Variants in NCOA7 observed in about 807,000 individuals in gnomAD.
NCOA7 encodes the protein 140 kDa estrogen receptor-associated protein.
Under a neutral mutation model 104.3 loss-of-function variants are expected in NCOA7, and 45 were observed. The observed-to-expected ratio is 0.43, with a 90% CI of 0.34 to 0.55. The LOEUF is 0.55. NCOA7 is among the 20% of genes least tolerant of loss of function. The probability of loss-of-function intolerance (pLI) is 0.02; values close to 1 mark genes in which losing one functional copy is unlikely to be tolerated. For synonymous variants in NCOA7, 398 were observed against 402.3 expected (o/e 0.99, Z 0.13); for missense variants, 1,041 against 1,119.7 (o/e 0.93, Z 1.00).
At chr6:125,821,974 C>G (rs1778227974) in intron 2 of NCOA7, among the ~76,000 whole-genome samples, 1 of 152,190 alleles carries the variant, frequency 6.6e-6, no homozygotes, top group Admixed American at 6.5e-5. Flanking sequence ...CTCCTTGTCT[C>G]CAGCCCCACA....
intron 5 of NCOA7, 50 bp from the exon 6 acceptor site, chr6:125,881,040 T>C (rs780376745): frequency 8.9e-7 from 1 of 1,121,848 alleles, no homozygotes; most frequent in Non-Finnish European, 1.4e-6. Context: ...CACTCACTAG[T>C]GGTTTGCCTG....
Position 125,798,438 on chromosome 6 carries a change from C to A in NCOA7, c.-65+7371C>A, listed in dbSNP as rs150676190. ...ATTAATTTATGTAAAGTACTTGGAACCTTGCCTGGCACAGAGTAAGCAACT... is the reference window on the plus strand; with the variant it reads ...ATTAATTTATGTAAAGTACTTGGAAACTTGCCTGGCACAGAGTAAGCAACT... On this transcript the variant is annotated intron_variant, in intron 1 of 15. Transcript: ENST00000392477. Among the ~76,000 whole-genome samples the A allele has an allele frequency of 1.5e-3, 231 of 152,240 alleles. 1 individual carries two copies. The highest frequency in any genetic ancestry group is 4.4e-3 in the South Asian group (21 of 4,816).
At chr6:125,856,945 G>A (rs1448558592) in intron 3 of NCOA7, among the ~76,000 whole-genome samples, 1 of 152,158 alleles carries the variant, frequency 6.6e-6, no homozygotes, top group African/African-American at 2.4e-5. Context: ...TGCCCTTGAG[G>A]TAGTAATAAA....
chr6:125,913,674 T>C (rs1786790899), intron 10 of NCOA7: 6 of 983,468 alleles, frequency 6.1e-6, no homozygotes, highest in Non-Finnish European at 7.2e-6. Context: ...GAAATACACC[T>C]TTAAAGTATA....
At chr6:125,883,684 C>T (rs1226502758) in intron 7 of NCOA7, among the ~76,000 whole-genome samples, 1 of 150,712 alleles carries the variant, frequency 6.6e-6, no homozygotes, top group East Asian at 1.9e-4. Flanking sequence ...TCTCCCCCAT[C>T]CTTCTCTTTC....
intron 2 of NCOA7, among the ~76,000 whole-genome samples, chr6:125,818,560 GA>G (rs958009026): frequency 1.5e-4 from 23 of 152,124 alleles, no homozygotes; most frequent in African/African-American, 5.3e-4. Context: ...ATGGAGAGAA[GA>G]GGGGGTAGGA....
At chr6:125,896,811 ATTAT>A (rs1427539892) in intron 10 of NCOA7, among the ~76,000 whole-genome samples, 1 of 152,198 alleles carries the variant, frequency 6.6e-6, no homozygotes, top group African/African-American at 2.4e-5. Context: ...AAATAAAAAG[ATTAT>A]TTATACCTTA....
chr6:125,895,764 C>T (rs1306641419), intron 10 of NCOA7, among the ~76,000 whole-genome samples: 2 of 151,892 alleles, frequency 1.3e-5, no homozygotes, highest in Admixed American at 1.3e-4. Flanking sequence ...GGCGGAGTTG[C>T]TACACACTTT....
At chr6:125,859,773 C>T (rs1474215369) in intron 3 of NCOA7, among the ~76,000 whole-genome samples, 6 of 152,112 alleles carry the variant, frequency 3.9e-5, no homozygotes, top group African/African-American at 9.7e-5. Flanking sequence ...AAGTGTATTT[C>T]GATAAAATAA....
intron 2 of NCOA7, among the ~76,000 whole-genome samples, chr6:125,842,736 C>T (rs727288): frequency 0.036 from 5,479 of 152,212 alleles, 329 homozygotes; most frequent in African/African-American, 0.12. Flanking sequence ...TTAAAATTTT[C>T]CTTCTAATAC....
At chr6:125,821,419 G>A (rs1382614488) in intron 2 of NCOA7, among the ~76,000 whole-genome samples, 1 of 152,120 alleles carries the variant, frequency 6.6e-6, no homozygotes, top group Non-Finnish European at 1.5e-5. Flanking sequence ...GCTGCCATGT[G>A]CCCCTTTAGT....
intron 3 of NCOA7, among the ~76,000 whole-genome samples, chr6:125,857,107 T>C (rs2128622042): frequency 6.6e-6 from 1 of 152,328 alleles, no homozygotes; most frequent in South Asian, 2.1e-4. Context: ...CAGTATTTTA[T>C]AAAAAGCTAT....
intron 13 of NCOA7, among the ~76,000 whole-genome samples, chr6:125,927,155 A>G (rs1209160812): frequency 3.3e-5 from 5 of 152,238 alleles, no homozygotes; most frequent in Non-Finnish European, 2.9e-5. Context: ...TTAATTTAAT[A>G]AGCATATTAA....
intron 2 of NCOA7, among the ~76,000 whole-genome samples, chr6:125,854,235 T>C (rs1781367056): frequency 6.6e-6 from 1 of 152,196 alleles, no homozygotes; most frequent in Admixed American, 6.5e-5. Context: ...AAAAACATTC[T>C]CGACTATCAA....
chr6:125,926,173 T>G (rs1788007569), intron 13 of NCOA7, among the ~76,000 whole-genome samples: 1 of 151,946 alleles, frequency 6.6e-6, no homozygotes, highest in Non-Finnish European at 1.5e-5. Flanking sequence ...TAGCCAGACA[T>G]AGTGGTGTGC....
At chr6:125,844,344 A>G (rs1462240406) in intron 2 of NCOA7, among the ~76,000 whole-genome samples, 1 of 152,214 alleles carries the variant, frequency 6.6e-6, no homozygotes, top group African/African-American at 2.4e-5. Flanking sequence ...TTTCAGTTTT[A>G]GCAGTGGGAA....
chr6:125,821,260 G>A (rs1583297129), intron 2 of NCOA7, among the ~76,000 whole-genome samples: 1 of 152,218 alleles, frequency 6.6e-6, no homozygotes, highest in East Asian at 1.9e-4. Flanking sequence ...CCAAACATCT[G>A]ATTTAAAAAA....
At chr6:125,880,517 ATATTT>A (rs954239333) in intron 5 of NCOA7, among the ~76,000 whole-genome samples, 2 of 150,650 alleles carry the variant, frequency 1.3e-5, no homozygotes, top group Non-Finnish European at 3.0e-5. Context: ...TTATTTATTT[ATATTT>A]TATTTTATTT....
chr6:125,893,548 CCAT>C (rs1784776697), intron 10 of NCOA7, among the ~76,000 whole-genome samples: 1 of 152,082 alleles, frequency 6.6e-6, no homozygotes, highest in Non-Finnish European at 1.5e-5. Flanking sequence ...TTTCCCAACT[CCAT>C]CACTGAATGA....
Sources: allele counts gnomAD v4.1 joint callset (sites outside exome capture counted in the v4.1 genomes callset), GRCh38; gene constraint gnomAD v4.1.1; transcripts MANE v1.5; gene names NCBI Gene and HGNC (gene_info 2026-07-23, HGNC 2026-07-21).